Variants in HTR7 observed in about 807,000 individuals in gnomAD.
HTR7 encodes 5-hydroxytryptamine receptor 7.
A neutral mutation model predicts 34.0 loss-of-function variants in HTR7; 16 were observed. The observed-to-expected ratio is 0.47, with a 90% CI of 0.32 to 0.71. HTR7 has a LOEUF of 0.71. Among genes scored for constraint, HTR7 ranks in the 30% least tolerant of loss-of-function variants. The probability of loss-of-function intolerance (pLI) is 0.04; values close to 1 mark genes in which losing one functional copy is unlikely to be tolerated. For missense variants in HTR7, 504 were observed against 625.5 expected (o/e 0.81, Z 2.07); for synonymous variants, 265 against 260.2 (o/e 1.02, Z -0.18).
intron 1 of HTR7, among the ~76,000 whole-genome samples, chr10:90,799,279 A>G (rs1845587673): frequency 1.3e-5 from 2 of 152,012 alleles, no homozygotes; most frequent in Admixed American, 1.3e-4. Context: ...CTGATCCCTG[A>G]ATGCTCCAGG....
At position 90,818,030 on chromosome 10, in the gene HTR7, C is replaced by T. The variant is rs372765253; in HGVS notation, c.539+39103G>A. On this transcript the variant is annotated intron_variant, in intron 1 of 3. Coordinates refer to ENST00000336152, the MANE Select transcript of HTR7 (RefSeq NM_019859.4). ...CTATAGACAGAAAGTGAATGGTTGC[C>T]TGGAACTAGAGGACAGAAGTGGGTA... is the stretch of plus-strand genomic sequence containing the variant. Among the ~76,000 whole-genome samples, 7 of 152,154 alleles carry T rather than the reference C, an allele frequency of 4.6e-5. No individual in the cohort carries two copies. The East Asian group carries it at 9.7e-4, about 21-fold the overall frequency.
At chr10:90,744,068 C>T in intron 2 of HTR7, 1 of 381,274 alleles carries the variant, frequency 2.6e-6, no homozygotes, top group South Asian at 2.1e-5. Context: ...GAAGGCAGAG[C>T]AAGGCGAAAA....
At chr10:90,812,787 T>C (rs1329430643) in intron 1 of HTR7, among the ~76,000 whole-genome samples, 1 of 152,188 alleles carries the variant, frequency 6.6e-6, no homozygotes, top group Non-Finnish European at 1.5e-5. Context: ...TTTATTTTTC[T>C]TATTAATATA....
intron 1 of HTR7, among the ~76,000 whole-genome samples, chr10:90,768,225 T>G (rs1478794177): frequency 6.8e-6 from 1 of 148,088 alleles, no homozygotes; most frequent in Middle Eastern, 3.4e-3. Flanking sequence ...TTGCCATCAT[T>G]TAAGAATCAT....
At chr10:90,743,759 G>A in intron 2 of HTR7, 69 bp from the exon 3 acceptor site, 1 of 1,192,918 alleles carries the variant, frequency 8.4e-7, no homozygotes, top group Non-Finnish European at 1.2e-6. Context: ...AAGAATCCTT[G>A]ATTATATTTC....
intron 1 of HTR7, among the ~76,000 whole-genome samples, chr10:90,781,693 T>C (rs1450899093): frequency 1.3e-5 from 2 of 152,268 alleles, no homozygotes; most frequent in Non-Finnish European, 2.9e-5. Flanking sequence ...TTTATTTATC[T>C]TAGGCAGAGA....
At chr10:90,844,563 A>G (rs1347660066) in intron 1 of HTR7, among the ~76,000 whole-genome samples, 1 of 151,296 alleles carries the variant, frequency 6.6e-6, no homozygotes, top group East Asian at 1.9e-4. Flanking sequence ...GCCTCTACTA[A>G]AAATACAAAA....
intron 1 of HTR7, among the ~76,000 whole-genome samples, chr10:90,844,226 A>T (rs1846374506): frequency 6.6e-6 from 1 of 152,256 alleles, no homozygotes; most frequent in Non-Finnish European, 1.5e-5. Context: ...GAACTGGAGA[A>T]CAGCATGACC....
At position 90,752,881 on chromosome 10, in the gene HTR7, C is replaced by T. The variant is rs563036559; in HGVS notation, c.540-3287G>A. Among the ~76,000 whole-genome samples, 18 of 152,032 alleles carry T rather than the reference C, an allele frequency of 1.2e-4. No individual in the cohort carries two copies. The South Asian group carries it at 3.7e-3, about 32-fold the overall frequency. On this transcript the variant is annotated intron_variant, in intron 1 of 3. Transcript: ENST00000336152. ...AGATTATCATGTAAAAAAATTAAAC[C>T]CTAAGAAAATATTGGCAAGTATTTC...
chr10:90,763,031 A>C (rs1187332587), intron 1 of HTR7, among the ~76,000 whole-genome samples: 1 of 152,130 alleles, frequency 6.6e-6, no homozygotes, highest in Non-Finnish European at 1.5e-5. Flanking sequence ...TATTGTTTTC[A>C]GTACCATTTT....
intron 1 of HTR7, among the ~76,000 whole-genome samples, chr10:90,846,978 T>C (rs1254642360): frequency 6.6e-6 from 1 of 152,248 alleles, no homozygotes; most frequent in East Asian, 1.9e-4. Context: ...ATTCAAACAC[T>C]GATTCACTGC....
At chr10:90,826,690 C>T (rs796165723) in intron 1 of HTR7, among the ~76,000 whole-genome samples, 14 of 152,282 alleles carry the variant, frequency 9.2e-5, no homozygotes, top group African/African-American at 3.4e-4. Context: ...GTAATCCCAG[C>T]ACTTTGGGAG....
chr10:90,809,763 C>T (rs984968156), intron 1 of HTR7, among the ~76,000 whole-genome samples: 5 of 152,210 alleles, frequency 3.3e-5, no homozygotes, highest in Admixed American at 6.5e-5. Context: ...TCCTAAGTCA[C>T]GTCCCATCTG....
chr10:90,831,576 T>C (rs1247525391), intron 1 of HTR7, among the ~76,000 whole-genome samples: 1 of 152,164 alleles, frequency 6.6e-6, no homozygotes, highest in Non-Finnish European at 1.5e-5. Flanking sequence ...CCCCAGCGGG[T>C]TGCCACTGCT....
chr10:90,776,791 T>A (rs1845219722), intron 1 of HTR7, among the ~76,000 whole-genome samples: 1 of 152,228 alleles, frequency 6.6e-6, no homozygotes, highest in African/African-American at 2.4e-5. Flanking sequence ...CTTAGATAAG[T>A]ATGGTATACA....
At chr10:90,751,498 C>T (rs1028750187) in intron 1 of HTR7, among the ~76,000 whole-genome samples, 5 of 152,106 alleles carry the variant, frequency 3.3e-5, no homozygotes, top group Non-Finnish European at 7.4e-5. Context: ...CTCAATGTGG[C>T]ATCCAAGACA....
At chr10:90,772,895 A>G (rs557899081) in intron 1 of HTR7, among the ~76,000 whole-genome samples, 1 of 152,272 alleles carries the variant, frequency 6.6e-6, no homozygotes, top group South Asian at 2.1e-4. Context: ...CTATTTTACA[A>G]ATGAGGAAAC....
At chr10:90,810,968 G>A (rs1845797978) in intron 1 of HTR7, among the ~76,000 whole-genome samples, 1 of 152,126 alleles carries the variant, frequency 6.6e-6, no homozygotes, top group Admixed American at 6.5e-5. Context: ...TTCGACTTTA[G>A]ATACCTGGTT....
At chr10:90,778,777 C>T (rs950540567) in intron 1 of HTR7, among the ~76,000 whole-genome samples, 1 of 152,202 alleles carries the variant, frequency 6.6e-6, no homozygotes, top group Non-Finnish European at 1.5e-5. Context: ...CTGTCTCTTC[C>T]ACTGTCTAAA....
Sources: gnomAD v4.1 joint callset for allele counts (sites outside exome capture counted in the v4.1 genomes callset) on GRCh38, gnomAD v4.1.1 for gene constraint, MANE v1.5 for transcripts, NCBI Gene and HGNC (gene_info 2026-07-23, HGNC 2026-07-21) for gene names.